The following IGSF9B variants were observed in gnomAD, a reference collection of about 807,000 sequenced individuals.
IGSF9B encodes protein turtle homolog B.
In IGSF9B, 48 loss-of-function variants were observed where a neutral mutation model predicts 143.7. The observed-to-expected ratio is 0.33, with a 90% CI of 0.26 to 0.42. IGSF9B has a LOEUF of 0.42. Ranked by LOEUF, IGSF9B falls within the 20% of genes least tolerant of loss-of-function variation. The pLI is 1.00. For missense variants in IGSF9B, 1,706 were observed against 1,980.0 expected (o/e 0.86, Z 2.63); for synonymous variants, 903 against 833.1 (o/e 1.08, Z -1.44).
chr11:133,922,837 T>A, intron 15 of IGSF9B, 107 bp from the exon 16 acceptor site: 1 of 1,112,804 alleles, frequency 9.0e-7, no homozygotes, highest in Non-Finnish European at 1.3e-6. Flanking sequence ...GAACAGACAG[T>A]GTCAAGGCTC....
chr11:133,903,788 G>C lies in IGSF9B; in HGVS notation c.*5281C>G, dbSNP rs1264076633. Among the ~76,000 whole-genome samples, 2 of 152,176 alleles carry C rather than the reference G, an allele frequency of 1.3e-5. No homozygotes were observed. Among genetic ancestry groups the C allele is most frequent in the African/African-American group, 4.8e-5 (2 of 41,438 alleles). ...AGTACAGACAGGAACCCAGAAATAAGGCTCTGAACCAGTGTGGATTCACTC... is the reference window on the plus strand; with the variant it reads ...AGTACAGACAGGAACCCAGAAATAACGCTCTGAACCAGTGTGGATTCACTC... On this transcript the variant is annotated 3_prime_UTR_variant, in exon 20 of 20. Transcript: ENST00000533871.
intron 15 of IGSF9B, among the ~76,000 whole-genome samples, chr11:133,924,281 G>A (rs1257003315): frequency 2.0e-5 from 3 of 152,200 alleles, no homozygotes; most frequent in African/African-American, 7.2e-5. Context: ...GTAGAAATGG[G>A]ACCAGGGCCA....
At chr11:133,941,123 ATTTC>A (rs1939949204) in intron 3 of IGSF9B, among the ~76,000 whole-genome samples, 2 of 152,264 alleles carry the variant, frequency 1.3e-5, no homozygotes, top group South Asian at 4.1e-4. Context: ...ACGTTGAACA[ATTTC>A]TAGTTTTCAG....
chr11:133,954,197 C>T (rs1940211194), intron 1 of IGSF9B, among the ~76,000 whole-genome samples: 1 of 152,186 alleles, frequency 6.6e-6, no homozygotes, highest in Admixed American at 6.5e-5. Context: ...GGGCGCCCAC[C>T]CGCTCTCTCC....
intron 13 of IGSF9B, among the ~76,000 whole-genome samples, chr11:133,926,368 G>A (rs762348064): frequency 5.9e-5 from 9 of 152,238 alleles, no homozygotes; most frequent in East Asian, 1.9e-4. Context: ...CCACCTTGGC[G>A]GCCGCTCAGG....
intron 3 of IGSF9B, among the ~76,000 whole-genome samples, chr11:133,938,801 A>C (rs1403960273): frequency 6.6e-6 from 1 of 152,194 alleles, no homozygotes; most frequent in African/African-American, 2.4e-5. Flanking sequence ...TGAAGCTCAG[A>C]ACCCAAGTTC....
intron 3 of IGSF9B, among the ~76,000 whole-genome samples, chr11:133,943,509 G>A (rs1374343333): frequency 1.3e-5 from 2 of 152,086 alleles, no homozygotes; most frequent in African/African-American, 4.8e-5. Context: ...CCCAGCCTAG[G>A]CCAACTCCCA....
intron 18 of IGSF9B, chr11:133,919,040 TAC>T (rs758390652): frequency 2.0e-6 from 1 of 498,276 alleles, no homozygotes; most frequent in East Asian, 6.1e-5. Context: ...TACCAGCTGC[TAC>T]AGTTTAGAGA....
intron 15 of IGSF9B, 163 bp downstream of exon 15, chr11:133,924,657 T>G: frequency 1.6e-6 from 1 of 615,330 alleles, no homozygotes; most frequent in Non-Finnish European, 2.9e-6. Context: ...AATATGGGTC[T>G]GGTGGGCTTA....
At position 133,927,010 on chromosome 11, in the gene IGSF9B, G is replaced by T; in HGVS notation, c.1713C>A (p.Thr571=). Residue 571 remains threonine, a synonymous_variant, in exon 13 of 20, where the codon ACC becomes ACA. Coordinates refer to ENST00000533871, the MANE Select transcript of IGSF9B (RefSeq NM_001277285.4). The part of the protein sequence containing the change: ...PPGPSWLLVD[T]LEPETAYQFS... The stretch of plus-strand genomic sequence containing the variant: ...ACTGGTACGCTGTCTCAGGCTCCAG[G>T]GTGTCCACCAGCAGCCAGCTGGGTC... 6.3e-7 allele frequency: 1 copy of T among 1,578,174 alleles called. No individual in the cohort carries two copies. Among genetic ancestry groups the T allele is most frequent in the Non-Finnish European group, 8.6e-7 (1 of 1,162,508 alleles).
In IGSF9B at chr11:133,920,105, C is replaced by G. The variant is rs760504221; in HGVS notation, c.3620G>C (p.Ser1207Thr). Residue 1207 changes from serine to threonine, a missense_variant, in exon 18 of 20, where the codon AGC (serine) becomes ACC (threonine). Transcript: ENST00000533871. ...GGAGCCGGTGCGGGAGCTGAGGGGG[C>G]TTTGGGTCAGAGGTGAGAGCCGGGA... The part of the protein sequence containing the change: ...QPSRLSPLTQ[S>T]PLSSRTGSPE... 1 of 1,518,438 alleles carries G rather than the reference C, an allele frequency of 6.6e-7. No individual in the cohort carries two copies. The highest frequency in any genetic ancestry group is 2.3e-5 in the East Asian group (1 of 43,740). The allele number at this position is 1,518,438 out of a possible 1,614,324, so 94.1% of individuals were successfully genotyped here.
In IGSF9B at chr11:133,912,007, T is replaced by C; in HGVS notation, c.3984A>G (p.Gly1328=). The C allele has an allele frequency of 6.6e-7, 1 of 1,522,106 alleles. No homozygotes were observed. The allele number at this position is 1,522,106 out of a possible 1,614,324, so 94.3% of individuals were successfully genotyped here. Residue 1328 remains glycine (G), a splice_region_variant and synonymous_variant, in exon 19 of 20, where the codon GGA becomes GGG. Transcript: ENST00000533871. ...ETPPPTLPTS[G]TLPPAPGNAA... is the part of the protein sequence containing the mutation. ...CGTTCCCGGGTGCAGGTGGAAGTGT[T>C]CTGGAAAGGACAACCAGAGAGCCAC...
chr11:133,922,687 C>A lies in IGSF9B; in HGVS notation c.2163G>T (p.Arg721=). Residue 721 remains arginine, a synonymous_variant, in exon 16 of 20, where the codon CGG becomes CGT. Coordinates refer to ENST00000533871, the MANE Select transcript of IGSF9B (RefSeq NM_001277285.4). ...TAGCTACGATTCCCGCCAGCACAGGCCGCGCCAGCCCATCCTCGGTCAGGT... is the reference window on the plus strand; with the variant it reads ...TAGCTACGATTCCCGCCAGCACAGGACGCGCCAGCCCATCCTCGGTCAGGT... ...QPDLTEDGLA[R]PVLAGIVATI... is the part of the protein sequence containing the mutation. 6.3e-7 allele frequency: 1 copy of A among 1,587,466 alleles called. No homozygotes were observed.
At chr11:133,926,031 CA>C (rs1565430467) in intron 13 of IGSF9B, 66 bp from the exon 14 acceptor site, 1 of 1,168,728 alleles carries the variant, frequency 8.6e-7, no homozygotes, top group African/African-American at 1.5e-5. Flanking sequence ...CCGCACCCCC[CA>C]CACTCCTGTG....
At chr11:133,921,840 C>T (rs192365664) in intron 17 of IGSF9B, among the ~76,000 whole-genome samples, 459 of 152,264 alleles carry the variant, frequency 3.0e-3, no homozygotes, top group Non-Finnish European at 5.5e-3. Context: ...TTAATATCAA[C>T]TTAAGCAACA....
intron 3 of IGSF9B, 130 bp downstream of exon 3, chr11:133,944,090 G>T: frequency 9.8e-7 from 1 of 1,015,584 alleles, no homozygotes; most frequent in Non-Finnish European, 1.4e-6. Flanking sequence ...TGGGACCACA[G>T]CAACAAGGAG....
At chr11:133,917,805 G>A (rs970853172) in intron 18 of IGSF9B, among the ~76,000 whole-genome samples, 9 of 152,100 alleles carry the variant, frequency 5.9e-5, no homozygotes, top group Non-Finnish European at 8.8e-5. Flanking sequence ...GGGATGCTAT[G>A]CCTGGGGCTG....
rs774693264 is a variant in IGSF9B at position 133,932,228 on chromosome 11, C to T, written c.968-15G>A. On this transcript the variant is annotated splice_polypyrimidine_tract_variant and intron_variant, in intron 7 of 19. Transcript: ENST00000533871. ...ACGCGCTGGGTCTGCATAGAGGAAG[C>T]GCAGGTGAGAGAGCAGACAGACAGA... 14 of 1,547,650 alleles carry T rather than the reference C, an allele frequency of 9.0e-6. No individual in the cohort carries two copies. The highest frequency in any genetic ancestry group is 1.7e-4 in the Middle Eastern group (1 of 5,920).
intron 18 of IGSF9B, chr11:133,912,459 T>G (rs1343492394): frequency 4.6e-6 from 2 of 430,264 alleles, no homozygotes; most frequent in Non-Finnish European, 9.4e-6. Context: ...TCATCCTCCA[T>G]CTCCAGAAAA....
Sources: allele counts gnomAD v4.1 joint callset (sites outside exome capture counted in the v4.1 genomes callset), GRCh38; gene constraint gnomAD v4.1.1; transcripts MANE v1.5; gene names NCBI Gene and HGNC (gene_info 2026-07-23, HGNC 2026-07-21).